The following ZMAT4 variants were observed in gnomAD, a reference collection of about 807,000 sequenced individuals.
ZMAT4 encodes the protein zinc finger matrin-type protein 4.
In ZMAT4, 17 loss-of-function variants were observed where a neutral mutation model predicts 28.7. The observed-to-expected ratio is 0.59, with a 90% CI of 0.41 to 0.89. The LOEUF (loss-of-function observed/expected upper bound fraction) is 0.89. Ranked by LOEUF, ZMAT4 falls within the 40% of genes least tolerant of loss-of-function variation. The probability of loss-of-function intolerance (pLI) is 0.00; values close to 1 mark genes in which losing one functional copy is unlikely to be tolerated. For synonymous variants in ZMAT4, 117 were observed against 109.2 expected (o/e 1.07, Z -0.44); for missense variants, 240 against 283.8 (o/e 0.85, Z 1.11).
chr8:40,878,512 T>A (rs1176480119), intron 1 of ZMAT4, among the ~76,000 whole-genome samples: 1 of 152,230 alleles, frequency 6.6e-6, no homozygotes, highest in Admixed American at 6.5e-5. Flanking sequence ...GTTGTCCAAC[T>A]TAGAAAAATG....
chr8:40,750,048 A>G (rs1055133968), intron 3 of ZMAT4, among the ~76,000 whole-genome samples: 1 of 152,180 alleles, frequency 6.6e-6, no homozygotes, highest in Non-Finnish European at 1.5e-5. Flanking sequence ...CATCACTCCT[A>G]TTTTTAAATG....
intron 6 of ZMAT4, among the ~76,000 whole-genome samples, chr8:40,536,338 C>A (rs1177628362): frequency 6.6e-6 from 1 of 152,206 alleles, no homozygotes; most frequent in East Asian, 1.9e-4. Context: ...ATGTCCTACT[C>A]CTGGTCTGTG....
intron 5 of ZMAT4, among the ~76,000 whole-genome samples, chr8:40,615,666 T>A (rs1249368852): frequency 6.6e-6 from 1 of 152,216 alleles, no homozygotes; most frequent in Non-Finnish European, 1.5e-5. Context: ...TCTCGCTTCA[T>A]TTCATTCATT....
At chr8:40,711,847 T>C (rs1283110926) in intron 3 of ZMAT4, among the ~76,000 whole-genome samples, 1 of 152,162 alleles carries the variant, frequency 6.6e-6, no homozygotes, top group Non-Finnish European at 1.5e-5. Flanking sequence ...GAAAAGCTTC[T>C]GGAATGATTG....
intron 3 of ZMAT4, among the ~76,000 whole-genome samples, chr8:40,719,591 T>C (rs1250726282): frequency 6.6e-6 from 1 of 152,052 alleles, no homozygotes; most frequent in Non-Finnish European, 1.5e-5. Context: ...TGTTTTTTGT[T>C]TTTTTTGAGA....
At position 40,697,334 on chromosome 8, in the gene ZMAT4, G is replaced by A. The variant is rs774460586; in HGVS notation, c.260C>T (p.Ala87Val). The A allele has an allele frequency of 1.2e-5, 20 of 1,613,678 alleles. No individual in the cohort carries two copies. Among genetic ancestry groups the A allele is most frequent in the South Asian group, 2.2e-5 (2 of 91,048 alleles). Reference sequence around the variant, plus strand: ...TTGATAATGGGAATCGGCCACCACCGCTGAAGTGAATGACATGTTGCAGAG... The same window carrying A: ...TTGATAATGGGAATCGGCCACCACCACTGAAGTGAATGACATGTTGCAGAG... Reference protein sequence around the residue: ...CTLCNMSFTSAVVADSHYQGK... With the variant: ...CTLCNMSFTSVVVADSHYQGK... The change falls in exon 4 of 7, where the codon GCG (alanine) becomes GTG (valine). Residue 87 changes from alanine (A) to valine (V), a missense_variant. Physicochemically the swap from Ala to Val is moderately conservative, Grantham distance 64. Transcript: ENST00000297737.
rs58529178 is a variant in ZMAT4 at position 40,889,772 on chromosome 8, A to G, written c.-5+7911T>C. 2.1e-3 allele frequency among the ~76,000 whole-genome samples: 317 copies of G among 152,332 alleles called. 5 individuals are homozygous for G. Among genetic ancestry groups the G allele is most frequent in the African/African-American group, 7.5e-3 (311 of 41,570 alleles). On this transcript the variant is annotated intron_variant, in intron 1 of 6. Coordinates refer to ENST00000297737, the MANE Select transcript of ZMAT4 (RefSeq NM_024645.3). ...CATAATATATTTAATTAATGCCTCC[A>G]TGCAATGTTTGCTGTAATGAATAAT...
intron 1 of ZMAT4, among the ~76,000 whole-genome samples, chr8:40,865,897 A>T (rs1817663327): frequency 6.6e-6 from 1 of 152,216 alleles, no homozygotes; most frequent in Admixed American, 6.5e-5. Flanking sequence ...GGCCAAACCA[A>T]CTAACTTTCC....
chr8:40,884,230 C>A (rs1818379535), intron 1 of ZMAT4, among the ~76,000 whole-genome samples: 1 of 140,288 alleles, frequency 7.1e-6, no homozygotes, highest in Non-Finnish European at 1.5e-5. Flanking sequence ...GACTCCTCTT[C>A]CCCTGAGAGC....
intron 5 of ZMAT4, among the ~76,000 whole-genome samples, chr8:40,626,017 G>C (rs999611989): frequency 6.6e-6 from 1 of 151,846 alleles, no homozygotes; most frequent in African/African-American, 2.4e-5. Flanking sequence ...GGCTGAGGCA[G>C]GAGAATCGTT....
At chr8:40,693,680 G>A (rs1189411385) in intron 4 of ZMAT4, among the ~76,000 whole-genome samples, 1 of 152,184 alleles carries the variant, frequency 6.6e-6, no homozygotes. Context: ...ACTCACTTCT[G>A]CCATTGCAGC....
At chr8:40,881,546 G>GA (rs879771958) in intron 1 of ZMAT4, among the ~76,000 whole-genome samples, 4 of 73,388 alleles carry the variant, frequency 5.5e-5, no homozygotes, top group Admixed American at 1.4e-4. Flanking sequence ...AAGAAAGAAA[G>GA]AAAGAAAGAA....
chr8:40,622,219 T>C (rs1433420853), intron 5 of ZMAT4, among the ~76,000 whole-genome samples: 2 of 152,224 alleles, frequency 1.3e-5, no homozygotes, highest in Admixed American at 6.5e-5. Flanking sequence ...ATAAACAAAA[T>C]AGCTTATTCC....
At chr8:40,605,398 TA>T (rs1237450619) in intron 5 of ZMAT4, among the ~76,000 whole-genome samples, 1 of 152,102 alleles carries the variant, frequency 6.6e-6, no homozygotes, top group African/African-American at 2.4e-5. Flanking sequence ...TCACTCAGTT[TA>T]AAAAATTATT....
At chr8:40,695,839 T>G (rs1809863542) in intron 4 of ZMAT4, among the ~76,000 whole-genome samples, 1 of 135,682 alleles carries the variant, frequency 7.4e-6, no homozygotes. Flanking sequence ...CTAATTGATG[T>G]GATAAGCAAA....
intron 5 of ZMAT4, among the ~76,000 whole-genome samples, chr8:40,624,041 C>T (rs1277699544): frequency 6.6e-6 from 1 of 152,150 alleles, no homozygotes; most frequent in African/African-American, 2.4e-5. Context: ...TTCTAGTATT[C>T]TGCAATTTCC....
intron 1 of ZMAT4, among the ~76,000 whole-genome samples, chr8:40,896,367 G>A (rs1280047589): frequency 2.0e-5 from 3 of 152,138 alleles, no homozygotes; most frequent in Non-Finnish European, 4.4e-5. Flanking sequence ...GGAAATCAGA[G>A]GGATGAAAAT....
intron 2 of ZMAT4, among the ~76,000 whole-genome samples, chr8:40,776,749 A>T (rs932975417): frequency 2.0e-5 from 3 of 152,240 alleles, no homozygotes; most frequent in African/African-American, 7.2e-5. Flanking sequence ...CAAAGTTAAC[A>T]AATCCTTCTG....
At chr8:40,803,461 A>G (rs1476501176) in intron 2 of ZMAT4, among the ~76,000 whole-genome samples, 3 of 152,216 alleles carry the variant, frequency 2.0e-5, no homozygotes, top group African/African-American at 4.8e-5. Context: ...CAAAGAAGGT[A>G]CACAGGTGGC....
Sources: allele counts gnomAD v4.1 joint callset (sites outside exome capture counted in the v4.1 genomes callset), GRCh38; gene constraint gnomAD v4.1.1; transcripts MANE v1.5; gene names NCBI Gene and HGNC (gene_info 2026-07-23, HGNC 2026-07-21).